Variants in ANAPC10 observed in about 807,000 individuals in gnomAD.
The protein encoded by ANAPC10 is anaphase promoting complex subunit 10.
A neutral mutation model predicts 22.0 loss-of-function variants in ANAPC10; 12 were observed. The ratio of observed to expected loss-of-function variants is 0.55; its 90% CI spans 0.35 to 0.88. The LOEUF (loss-of-function observed/expected upper bound fraction) is 0.88. Among genes scored for constraint, ANAPC10 ranks in the 40% least tolerant of loss-of-function variants. The probability of loss-of-function intolerance (pLI) is 0.01; values close to 1 mark genes in which losing one functional copy is unlikely to be tolerated. For synonymous variants in ANAPC10, 65 were observed against 69.5 expected (o/e 0.94, Z 0.32); for missense variants, 188 against 220.9 (o/e 0.85, Z 0.94).
intron 1 of ANAPC10, chr4:145,097,591 A>C (rs1748771740): frequency 1.6e-6 from 2 of 1,243,720 alleles, no homozygotes; most frequent in Non-Finnish European, 2.1e-6. Flanking sequence ...AACGGACTGT[A>C]AACTTTGGCA....
At chr4:145,024,131 G>A (rs1447659975) in intron 4 of ANAPC10, among the ~76,000 whole-genome samples, 1 of 152,174 alleles carries the variant, frequency 6.6e-6, no homozygotes, top group Non-Finnish European at 1.5e-5. Context: ...CCATGAGACT[G>A]CAGCAATTCA....
intron 4 of ANAPC10, among the ~76,000 whole-genome samples, chr4:145,041,331 G>A (rs1433378312): frequency 6.6e-6 from 1 of 152,204 alleles, no homozygotes; most frequent in Non-Finnish European, 1.5e-5. Context: ...TAGATAGCAT[G>A]AAGTTTGACT....
chr4:145,022,514 GA>G (rs1736099261), intron 4 of ANAPC10, among the ~76,000 whole-genome samples: 1 of 151,888 alleles, frequency 6.6e-6, no homozygotes, highest in African/African-American at 2.4e-5. Flanking sequence ...GGACTTGGGG[GA>G]AAGTGGGGGG....
At chr4:145,022,526 T>A (rs1736100974) in intron 4 of ANAPC10, among the ~76,000 whole-genome samples, 1 of 151,236 alleles carries the variant, frequency 6.6e-6, no homozygotes, top group African/African-American at 2.4e-5. Flanking sequence ...AAGTGGGGGG[T>A]GAGGAATACA....
chr4:145,064,870 T>C (rs1044647662), intron 3 of ANAPC10, among the ~76,000 whole-genome samples, 178 bp from the exon 4 acceptor site: 1 of 151,898 alleles, frequency 6.6e-6, no homozygotes, highest in Admixed American at 6.6e-5. Context: ...AGATAGTATG[T>C]TAAATATAGG....
In ANAPC10 at chr4:145,049,120, CA is replaced by C. The variant is rs959349014; in HGVS notation, c.327+15451del. 7.2e-5 allele frequency among the ~76,000 whole-genome samples: 11 copies of C among 152,218 alleles called. No homozygotes were observed. In the East Asian group the frequency reaches 1.7e-3, roughly 24 times the overall value. ...CTAAAGAACAATGTACATATCCTCACAAAAAAATATTTTACTGCTAAAAATT... is the reference window on the plus strand; with the variant it reads ...CTAAAGAACAATGTACATATCCTCACAAAAAATATTTTACTGCTAAAAATT... On this transcript the variant is annotated intron_variant, in intron 4 of 4. Transcript: ENST00000507656.
chr4:145,074,203 C>T (rs1744881356), intron 3 of ANAPC10, among the ~76,000 whole-genome samples: 1 of 151,424 alleles, frequency 6.6e-6, no homozygotes, highest in Non-Finnish European at 1.5e-5. Flanking sequence ...CATTTAAGTA[C>T]AAAATTACAC....
chr4:145,026,570 G>A (rs986316528), intron 4 of ANAPC10, among the ~76,000 whole-genome samples: 6 of 151,472 alleles, frequency 4.0e-5, no homozygotes, highest in Non-Finnish European at 8.8e-5. Flanking sequence ...ACTATAGGAG[G>A]CCCACCAAGA....
chr4:145,036,324 C>T (rs763236619), intron 4 of ANAPC10, among the ~76,000 whole-genome samples: 25 of 152,100 alleles, frequency 1.6e-4, no homozygotes, highest in African/African-American at 2.9e-4. Flanking sequence ...GATACGTACA[C>T]GTTATTTAGA....
chr4:145,012,632 A>AGAAT (rs1260072873), intron 4 of ANAPC10, among the ~76,000 whole-genome samples: 5 of 152,232 alleles, frequency 3.3e-5, no homozygotes, highest in African/African-American at 1.2e-4. Flanking sequence ...AAATCTGAAT[A>AGAAT]GAATGACATT....
At chr4:145,018,492 G>A (rs911940977) in intron 4 of ANAPC10, among the ~76,000 whole-genome samples, 14 of 151,824 alleles carry the variant, frequency 9.2e-5, no homozygotes, top group Non-Finnish European at 1.5e-5. Context: ...AAAAAAATAA[G>A]CCAGGCATGG....
intron 4 of ANAPC10, among the ~76,000 whole-genome samples, chr4:145,017,789 T>TA (rs1452880655): frequency 2.0e-5 from 3 of 151,646 alleles, no homozygotes; most frequent in East Asian, 3.9e-4. Flanking sequence ...TATGCACCCA[T>TA]AAAAAAGGAT....
chr4:144,994,835 T>A lies in ANAPC10; in HGVS notation c.*538A>T, dbSNP rs1731383577. 6.6e-6 allele frequency: 1 copy of A among 152,612 alleles called. No individual in the cohort carries two copies. The allele number at this position is 152,612 out of a possible 1,614,324, so 9.5% of individuals were successfully genotyped here. On this transcript the variant is annotated 3_prime_UTR_variant, in exon 5 of 5. Transcript: ENST00000507656. Reference sequence around the variant, plus strand: ...GAGACAATTAATTATACTCCCCATATTAGATTGGTTCTCATCAGACAACCT... The same window carrying A: ...GAGACAATTAATTATACTCCCCATAATAGATTGGTTCTCATCAGACAACCT...
chr4:145,011,525 G>A (rs35226888), intron 4 of ANAPC10, among the ~76,000 whole-genome samples: 9 of 152,082 alleles, frequency 5.9e-5, no homozygotes, highest in Non-Finnish European at 1.2e-4. Context: ...ACCAGGATTC[G>A]AGGGAGGAGA....
intron 4 of ANAPC10, chr4:145,035,320 G>C (rs1365550975): frequency 1.3e-5 from 2 of 152,230 alleles, no homozygotes; most frequent in African/African-American, 4.8e-5. Flanking sequence ...CTTTGGTCAA[G>C]AATATACGAG....
At chr4:145,018,172 TA>T (rs1374092496) in intron 4 of ANAPC10, among the ~76,000 whole-genome samples, 1 of 150,404 alleles carries the variant, frequency 6.6e-6, no homozygotes, top group Non-Finnish European at 1.5e-5. Context: ...ACAGGACCTA[TA>T]AAACAAAAAT....
intron 4 of ANAPC10, among the ~76,000 whole-genome samples, chr4:145,039,816 G>A (rs542971512): frequency 6.6e-6 from 1 of 152,094 alleles, no homozygotes; most frequent in South Asian, 2.1e-4. Context: ...GGATGGTCTC[G>A]ATCTCTTGAC....
chr4:145,032,525 G>A (rs1016778456), intron 4 of ANAPC10, among the ~76,000 whole-genome samples: 6 of 152,178 alleles, frequency 3.9e-5, no homozygotes, highest in African/African-American at 1.4e-4. Context: ...AGCAAAGAAG[G>A]AGTTTAATAA....
At chr4:145,022,600 A>C (rs751644049) in intron 4 of ANAPC10, among the ~76,000 whole-genome samples, 2 of 152,034 alleles carry the variant, frequency 1.3e-5, no homozygotes, top group Non-Finnish European at 2.9e-5. Context: ...AATCACCACT[A>C]AAGAACTTAC....
Sources: allele counts gnomAD v4.1 joint callset (sites outside exome capture counted in the v4.1 genomes callset), GRCh38; gene constraint gnomAD v4.1.1; transcripts MANE v1.5; gene names NCBI Gene and HGNC (gene_info 2026-07-23, HGNC 2026-07-21).